The following ITPR2 variants were observed in gnomAD, a reference collection of about 807,000 sequenced individuals.
ITPR2 encodes the protein inositol 1,4,5-trisphosphate-gated calcium channel ITPR2.
In ITPR2, 207 loss-of-function variants were observed where a neutral mutation model predicts 317.1. The observed-to-expected ratio is 0.65, with a 90% CI of 0.58 to 0.73. The LOEUF is 0.73. Among genes scored for constraint, ITPR2 ranks in the 30% least tolerant of loss-of-function variants. ITPR2 has a pLI of 0.00. For missense variants in ITPR2, 2,613 were observed against 3,284.0 expected, an observed-to-expected ratio of 0.80 and a Z score of 4.99; for synonymous variants, 1,156 against 1,149.1, an observed-to-expected ratio of 1.01 and a Z score of -0.12.
Position 26,396,526 on chromosome 12 carries a change from A to G in ITPR2, c.7696+2350T>C, listed in dbSNP as rs75026016. On this transcript the variant is annotated intron_variant, in intron 54 of 56. Coordinates refer to ENST00000381340, the MANE Select transcript of ITPR2 (RefSeq NM_002223.4). ...TCTCCTCACACCATTCTGACTTGGT[A>G]CTCTGAGTTGTTGGTGTGTGCTCCT... Among the ~76,000 whole-genome samples the G allele has an allele frequency of 3.1e-3, 466 of 152,134 alleles. 4 individuals are homozygous for G. Among genetic ancestry groups the G allele is most frequent in the African/African-American group, 0.011 (449 of 41,504 alleles).
At chr12:26,669,834 C>A (rs1342759074) in intron 13 of ITPR2, among the ~76,000 whole-genome samples, 1 of 152,242 alleles carries the variant, frequency 6.6e-6, no homozygotes, top group Non-Finnish European at 1.5e-5. Context: ...AAAATCGGGT[C>A]ACTCCCACCC....
intron 21 of ITPR2, among the ~76,000 whole-genome samples, chr12:26,642,809 G>T (rs1378435189): frequency 1.3e-5 from 2 of 152,120 alleles, no homozygotes; most frequent in African/African-American, 4.8e-5. Context: ...TTCCAATCAG[G>T]GCATTTTCTA....
chr12:26,653,883 G>A, intron 21 of ITPR2, 93 bp downstream of exon 21: 1 of 979,356 alleles, frequency 1.0e-6, no homozygotes, highest in East Asian at 2.4e-5. Context: ...TATATTAGCA[G>A]GTACACAATA....
At chr12:26,652,545 A>T (rs1947280472) in intron 21 of ITPR2, among the ~76,000 whole-genome samples, 1 of 151,612 alleles carries the variant, frequency 6.6e-6, no homozygotes, top group Non-Finnish European at 1.5e-5. Flanking sequence ...TTCAGGGCTG[A>T]GGCTCTTATT....
chr12:26,587,821 G>A (rs1350937221), intron 32 of ITPR2, among the ~76,000 whole-genome samples: 2 of 149,660 alleles, frequency 1.3e-5, no homozygotes, highest in African/African-American at 4.9e-5. Flanking sequence ...AGGGACAAGA[G>A]CAGAAGCTTG....
At chr12:26,571,473 TTTTAC>T (rs1480723340) in intron 34 of ITPR2, among the ~76,000 whole-genome samples, 1 of 152,222 alleles carries the variant, frequency 6.6e-6, no homozygotes, top group Non-Finnish European at 1.5e-5. Flanking sequence ...CTCACCTTCT[TTTTAC>T]TTTATTTGAA....
intron 52 of ITPR2, among the ~76,000 whole-genome samples, chr12:26,409,303 G>A (rs1452778179): frequency 6.6e-6 from 1 of 152,134 alleles, no homozygotes; most frequent in Non-Finnish European, 1.5e-5. Context: ...TCTGGGCTTT[G>A]GCAAAAAGTC....
At chr12:26,812,311 C>T (rs1376073549) in intron 1 of ITPR2, among the ~76,000 whole-genome samples, 2 of 152,102 alleles carry the variant, frequency 1.3e-5, no homozygotes, top group African/African-American at 4.8e-5. Flanking sequence ...GATGCGGTGG[C>T]TCATGCCTGT....
intron 1 of ITPR2, among the ~76,000 whole-genome samples, chr12:26,818,783 C>T (rs1436720608): frequency 6.6e-6 from 1 of 152,060 alleles, no homozygotes; most frequent in African/African-American, 2.4e-5. Flanking sequence ...CAAAGATCTA[C>T]CCGAAATGCA....
In ITPR2 at chr12:26,826,533, C is replaced by T. The variant is rs151023892; in HGVS notation, c.92+6157G>A. On this transcript the variant is annotated intron_variant, in intron 1 of 56. Transcript: ENST00000381340. Reference sequence around the variant, plus strand: ...GAATGGAAAAGTTAATTGCATTGGCCAAAATCAAGCAGGAAGTAAAAATAA... The same window carrying T: ...GAATGGAAAAGTTAATTGCATTGGCTAAAATCAAGCAGGAAGTAAAAATAA... Among the ~76,000 whole-genome samples, 566 of 152,152 alleles carry T rather than the reference C, an allele frequency of 3.7e-3. 2 individuals carry two copies. The highest frequency in any genetic ancestry group is 0.013 in the African/African-American group (537 of 41,508).
intron 32 of ITPR2, among the ~76,000 whole-genome samples, chr12:26,593,607 G>A (rs917881085): frequency 4.6e-5 from 7 of 152,148 alleles, no homozygotes; most frequent in Non-Finnish European, 1.0e-4. Flanking sequence ...TTGCAGTATA[G>A]CTAAGTTATT....
chr12:26,657,985 A>C (rs751159209), intron 17 of ITPR2, 26 bp downstream of exon 17: 4 of 1,603,306 alleles, frequency 2.5e-6, no homozygotes, highest in Non-Finnish European at 3.4e-6. Flanking sequence ...CAACAGGAAA[A>C]TGATGCATCC....
Position 26,459,093 on chromosome 12 carries a change from C to T in ITPR2, c.6343-15443G>A, listed in dbSNP as rs901841. Among the ~76,000 whole-genome samples the T allele has an allele frequency of 5.1e-3, 779 of 152,298 alleles. 4 individuals are homozygous for T. Among genetic ancestry groups the T allele is most frequent in the African/African-American group, 0.018 (756 of 41,558 alleles). On this transcript the variant is annotated intron_variant, in intron 45 of 56. Coordinates refer to ENST00000381340, the MANE Select transcript of ITPR2 (RefSeq NM_002223.4). ...GTCCTTTCCTGGTACTGCTTTTAGG[C>T]AATGCTGCTGTGCTAAGGGGAAACA...
intron 1 of ITPR2, among the ~76,000 whole-genome samples, chr12:26,809,233 T>C (rs1950690715): frequency 6.6e-6 from 1 of 152,236 alleles, no homozygotes; most frequent in South Asian, 2.1e-4. Flanking sequence ...AAACAGCAGC[T>C]AATTTCATTA....
chr12:26,665,807 T>C (rs1393059462), intron 14 of ITPR2, 103 bp downstream of exon 14: 1 of 1,000,670 alleles, frequency 1.0e-6, no homozygotes, highest in African/African-American at 1.6e-5. Flanking sequence ...CACTAAGTTT[T>C]GGGATCATTT....
rs796508747 is a variant in ITPR2, at chr12:26,680,338, T to C, written c.1409+1536A>G. ...TTACACATATGTCCCACATTATCAATACAATTCAAATGGAGACATTTTGGT... is the reference window on the plus strand; with the variant it reads ...TTACACATATGTCCCACATTATCAACACAATTCAAATGGAGACATTTTGGT... On this transcript the variant is annotated intron_variant, in intron 13 of 56. Transcript: ENST00000381340. Among the ~76,000 whole-genome samples, 13 of 152,292 alleles carry C rather than the reference T, an allele frequency of 8.5e-5. 1 individual carries two copies. Among genetic ancestry groups the C allele is most frequent in the African/African-American group, 2.9e-4 (12 of 41,572 alleles).
chr12:26,790,923 CTT>C (rs1394696009), intron 1 of ITPR2, among the ~76,000 whole-genome samples: 1 of 152,128 alleles, frequency 6.6e-6, no homozygotes, highest in South Asian at 2.1e-4. Flanking sequence ...GATTAAATGA[CTT>C]AGTATTTTTA....
chr12:26,361,658 T>C (rs964658823), intron 55 of ITPR2, among the ~76,000 whole-genome samples: 2 of 152,250 alleles, frequency 1.3e-5, no homozygotes, highest in African/African-American at 4.8e-5. Flanking sequence ...TTATCTACTA[T>C]TAATTTCCAA....
intron 41 of ITPR2, among the ~76,000 whole-genome samples, chr12:26,484,855 G>T (rs1409797877): frequency 1.3e-5 from 2 of 152,026 alleles, no homozygotes; most frequent in African/African-American, 4.8e-5. Context: ...GGGACTACAG[G>T]TGCCAGCCAC....
Sources: allele counts gnomAD v4.1 joint callset (sites outside exome capture counted in the v4.1 genomes callset), GRCh38; gene constraint gnomAD v4.1.1; transcripts MANE v1.5; gene names NCBI Gene and HGNC (gene_info 2026-07-23, HGNC 2026-07-21).